EFNA5: variants seen among roughly 807,000 people sequenced by gnomAD.
The protein encoded by EFNA5 is ephrin-A5.
In EFNA5, 5 loss-of-function variants were observed where a neutral mutation model predicts 22.9. That is an observed-to-expected ratio of 0.22 (90% CI 0.11 to 0.46). EFNA5 has a LOEUF of 0.46. Ranked by LOEUF, EFNA5 falls within the 20% of genes least tolerant of loss-of-function variation. EFNA5 has a pLI of 0.99. For synonymous variants in EFNA5, 113 were observed against 112.2 expected (o/e 1.01, Z -0.04); for missense variants, 237 against 293.3 (o/e 0.81, Z 1.40).
At chr5:107,596,650 CTT>C (rs1318426734) in intron 1 of EFNA5, among the ~76,000 whole-genome samples, 1 of 152,014 alleles carries the variant, frequency 6.6e-6, no homozygotes, top group Non-Finnish European at 1.5e-5. Flanking sequence ...ATAATTCAAT[CTT>C]TGGCCTGCAA....
chr5:107,502,755 G>A (rs946804948), intron 1 of EFNA5, among the ~76,000 whole-genome samples: 5 of 152,138 alleles, frequency 3.3e-5, no homozygotes, highest in African/African-American at 7.2e-5. Flanking sequence ...CATTGCCTCA[G>A]GATGGAACGA....
At chr5:107,488,158 C>T (rs1277535203) in intron 1 of EFNA5, among the ~76,000 whole-genome samples, 1 of 152,096 alleles carries the variant, frequency 6.6e-6, no homozygotes, top group African/African-American at 2.4e-5. Context: ...TGGGAGATAA[C>T]AAAAGAAAAT....
rs11949353 is a variant in EFNA5, at chr5:107,383,421, G to A, written c.566-2045C>T. Among the ~76,000 whole-genome samples, 8 of 152,284 alleles carry A rather than the reference G, an allele frequency of 5.3e-5. 1 individual carries two copies. The highest frequency in any genetic ancestry group is 5.2e-4 in the Admixed American group (8 of 15,300). ...TTAAATCTGTAGTTAATAGGAAGTA[G>A]AAGTAAAGGCCCTTAATAGCCCTGA... On this transcript the variant is annotated intron_variant, in intron 4 of 4. Transcript: ENST00000333274.
At chr5:107,573,668 A>C (rs932387625) in intron 1 of EFNA5, among the ~76,000 whole-genome samples, 11 of 152,136 alleles carry the variant, frequency 7.2e-5, no homozygotes, top group African/African-American at 2.7e-4. Flanking sequence ...ATGGATGTCT[A>C]TCCCAGGGAA....
intron 2 of EFNA5, among the ~76,000 whole-genome samples, chr5:107,395,468 A>C (rs1421567181): frequency 2.6e-5 from 4 of 152,212 alleles, no homozygotes; most frequent in Non-Finnish European, 5.9e-5. Context: ...AAGCAAGATA[A>C]TATTTAGATA....
At chr5:107,546,447 C>T (rs529897217) in intron 1 of EFNA5, among the ~76,000 whole-genome samples, 1 of 152,286 alleles carries the variant, frequency 6.6e-6, no homozygotes, top group African/African-American at 2.4e-5. Context: ...AACAGGAACA[C>T]TAATTCTGTA....
chr5:107,387,124 C>A, intron 4 of EFNA5, 111 bp downstream of exon 4: 1 of 682,250 alleles, frequency 1.5e-6, no homozygotes. Context: ...TGAGCAAAAG[C>A]AGAACAACAA....
chr5:107,382,828 C>A (rs1747506400), intron 4 of EFNA5, among the ~76,000 whole-genome samples: 1 of 152,124 alleles, frequency 6.6e-6, no homozygotes, highest in African/African-American at 2.4e-5. Context: ...GGTAACAAGG[C>A]TCTAGTGGTT....
At chr5:107,549,729 G>C (rs906719267) in intron 1 of EFNA5, among the ~76,000 whole-genome samples, 41 of 152,258 alleles carry the variant, frequency 2.7e-4, no homozygotes, top group African/African-American at 9.9e-4. Flanking sequence ...CTCTGCGTAG[G>C]GATGTCCCTG....
At chr5:107,440,534 A>G (rs988096501) in intron 1 of EFNA5, among the ~76,000 whole-genome samples, 2 of 152,226 alleles carry the variant, frequency 1.3e-5, no homozygotes, top group African/African-American at 4.8e-5. Context: ...CAAGACACAA[A>G]GACGATGAAA....
intron 1 of EFNA5, among the ~76,000 whole-genome samples, chr5:107,603,767 T>C (rs2112514428): frequency 6.6e-6 from 1 of 152,304 alleles, no homozygotes; most frequent in African/African-American, 2.4e-5. Context: ...TGACTTATGT[T>C]AGCAAGTGAA....
chr5:107,482,868 CTCTATA>C (rs1482029514), intron 1 of EFNA5, among the ~76,000 whole-genome samples: 287 of 42,842 alleles, frequency 6.7e-3, no homozygotes, highest in East Asian at 0.017. Flanking sequence ...CTCTCTCTCT[CTCTATA>C]TATATATATA....
At chr5:107,553,575 G>A (rs1048804941) in intron 1 of EFNA5, among the ~76,000 whole-genome samples, 2 of 152,188 alleles carry the variant, frequency 1.3e-5, no homozygotes, top group African/African-American at 4.8e-5. Context: ...CCTTGACCTT[G>A]AACAGAAGCT....
At chr5:107,468,313 A>G (rs573449797) in intron 1 of EFNA5, among the ~76,000 whole-genome samples, 108 of 152,336 alleles carry the variant, frequency 7.1e-4, no homozygotes, top group African/African-American at 2.5e-3. Flanking sequence ...AGTCACCCTT[A>G]GGCAGGAAAA....
intron 1 of EFNA5, among the ~76,000 whole-genome samples, chr5:107,475,130 G>A (rs1000246895): frequency 2.0e-5 from 3 of 152,288 alleles, no homozygotes; most frequent in Admixed American, 6.5e-5. Flanking sequence ...TTTGTAACAC[G>A]CTCCCTGTTG....
intron 1 of EFNA5, among the ~76,000 whole-genome samples, chr5:107,596,948 G>A (rs866476383): frequency 5.9e-5 from 9 of 152,174 alleles, no homozygotes; most frequent in African/African-American, 2.2e-4. Flanking sequence ...AGGACCCCAG[G>A]ACCCAAGATC....
chr5:107,591,942 ATTATATATAATATATAAT>A (rs1749353028), intron 1 of EFNA5, among the ~76,000 whole-genome samples: 6 of 13,056 alleles, frequency 4.6e-4, no homozygotes, highest in South Asian at 5.3e-3. Flanking sequence ...TAATATATAT[ATTATATATAATATATAAT>A]ATATATAATA....
intron 1 of EFNA5, among the ~76,000 whole-genome samples, chr5:107,469,482 C>T (rs546797214): frequency 3.9e-5 from 6 of 152,100 alleles, no homozygotes; most frequent in Admixed American, 1.3e-4. Context: ...TGGTTGTTAA[C>T]AACAGGCAGT....
intron 1 of EFNA5, among the ~76,000 whole-genome samples, chr5:107,515,913 G>A (rs894855254): frequency 1.3e-5 from 2 of 152,222 alleles, no homozygotes; most frequent in Admixed American, 1.3e-4. Flanking sequence ...TTATTTTACT[G>A]TAGAGCTTGT....
Sources: gnomAD v4.1 joint callset for allele counts (sites outside exome capture counted in the v4.1 genomes callset) on GRCh38, gnomAD v4.1.1 for gene constraint, MANE v1.5 for transcripts, NCBI Gene and HGNC (gene_info 2026-07-23, HGNC 2026-07-21) for gene names.